Variants in ZDHHC14 observed in about 807,000 individuals in gnomAD.
ZDHHC14 encodes zDHHC palmitoyltransferase 14.
ZDHHC14 carries 16 observed loss-of-function variants against 47.7 expected under a neutral mutation model. The observed-to-expected ratio is 0.34, with a 90% confidence interval of 0.23 to 0.51. The LOEUF (loss-of-function observed/expected upper bound fraction) is 0.51, where lower values mean the gene tolerates loss of function less well. Among genes scored for constraint, ZDHHC14 ranks in the 20% least tolerant of loss-of-function variants. ZDHHC14 has a pLI of 0.97. For synonymous variants in ZDHHC14, 293 were observed against 278.9 expected, an observed-to-expected ratio of 1.05 and a Z score of -0.50; for missense variants, 515 against 662.5, an observed-to-expected ratio of 0.78 and a Z score of 2.44.
chr6:157,435,152 A>G (rs1778413801), intron 1 of ZDHHC14, among the ~76,000 whole-genome samples: 1 of 152,228 alleles, frequency 6.6e-6, no homozygotes, highest in Non-Finnish European at 1.5e-5. Flanking sequence ...TAATACTCAT[A>G]CCAATCTTAA....
intron 8 of ZDHHC14, among the ~76,000 whole-genome samples, chr6:157,668,655 G>A (rs771412163): frequency 2.6e-5 from 4 of 152,060 alleles, no homozygotes; most frequent in East Asian, 1.9e-4. Context: ...AGCCAAGATC[G>A]TGCCACTGCA....
chr6:157,396,259 A>T (rs1347087954), intron 1 of ZDHHC14, among the ~76,000 whole-genome samples: 1 of 152,066 alleles, frequency 6.6e-6, no homozygotes, highest in East Asian at 1.9e-4. Flanking sequence ...GTCTGCAGAG[A>T]CTTGCTGTCC....
chr6:157,496,922 C>T (rs899142371), intron 1 of ZDHHC14, among the ~76,000 whole-genome samples: 100 of 152,158 alleles, frequency 6.6e-4, no homozygotes, highest in African/African-American at 2.4e-3. Flanking sequence ...CTCTTGCTCT[C>T]CTCTTCCTCT....
intron 2 of ZDHHC14, among the ~76,000 whole-genome samples, chr6:157,572,940 C>A (rs2114860362): frequency 6.6e-6 from 1 of 152,078 alleles, no homozygotes; most frequent in East Asian, 1.9e-4. Flanking sequence ...TAGTCAGGTT[C>A]TCTTGGGGCT....
intron 1 of ZDHHC14, among the ~76,000 whole-genome samples, chr6:157,414,821 C>CT (rs71027333): frequency 0.75 from 83,671 of 111,888 alleles, 31,606 homozygotes; most frequent in Middle Eastern, 0.81. Context: ...AGGTTTGCAG[C>CT]TTTTTTTTTT....
chr6:157,435,418 C>A (rs1778419077), intron 1 of ZDHHC14, among the ~76,000 whole-genome samples: 1 of 152,172 alleles, frequency 6.6e-6, no homozygotes, highest in East Asian at 1.9e-4. Flanking sequence ...TTGGGATGAA[C>A]CTTGAGGAAA....
At chr6:157,424,434 G>A (rs749402551) in intron 1 of ZDHHC14, among the ~76,000 whole-genome samples, 57 of 152,152 alleles carry the variant, frequency 3.7e-4, no homozygotes, top group Non-Finnish European at 7.6e-4. Context: ...TTGGTGGTGC[G>A]ATTTTGAATC....
At chr6:157,591,076 G>A (rs1190714163) in intron 2 of ZDHHC14, among the ~76,000 whole-genome samples, 1 of 152,230 alleles carries the variant, frequency 6.6e-6, no homozygotes, top group Non-Finnish European at 1.5e-5. Context: ...CCCAGTGCCT[G>A]TACCCCCATT....
chr6:157,590,430 G>C (rs1228848737), intron 2 of ZDHHC14, among the ~76,000 whole-genome samples: 1 of 152,216 alleles, frequency 6.6e-6, no homozygotes, highest in East Asian at 1.9e-4. Context: ...TCCAGCCATG[G>C]TTAAAAGGGG....
intron 8 of ZDHHC14, among the ~76,000 whole-genome samples, chr6:157,668,692 T>C (rs1353655872): frequency 6.6e-6 from 1 of 151,908 alleles, no homozygotes; most frequent in East Asian, 1.9e-4. Context: ...AGAGTGAGAC[T>C]CCATCTCAAA....
At chr6:157,633,517 A>G (rs1188769681) in intron 5 of ZDHHC14, among the ~76,000 whole-genome samples, 4 of 152,112 alleles carry the variant, frequency 2.6e-5, no homozygotes, top group African/African-American at 9.7e-5. Flanking sequence ...ATGAGGTCCT[A>G]TCCCTCCCAG....
intron 1 of ZDHHC14, among the ~76,000 whole-genome samples, chr6:157,517,678 C>A (rs924171358): frequency 5.3e-5 from 8 of 152,208 alleles, no homozygotes; most frequent in African/African-American, 1.9e-4. Context: ...AAACCGGCGA[C>A]TCCTGACCCT....
intron 2 of ZDHHC14, among the ~76,000 whole-genome samples, 189 bp downstream of exon 2, chr6:157,542,934 G>A (rs1781830300): frequency 6.6e-6 from 1 of 152,180 alleles, no homozygotes; most frequent in African/African-American, 2.4e-5. Context: ...AAGGCTGGAG[G>A]GACAGGTATC....
chr6:157,395,239 C>G (rs542407691), intron 1 of ZDHHC14, among the ~76,000 whole-genome samples: 2 of 151,706 alleles, frequency 1.3e-5, no homozygotes, highest in Non-Finnish European at 2.9e-5. Flanking sequence ...TAGCTTACCA[C>G]AGCCGTGACC....
In ZDHHC14 at chr6:157,542,640, C is replaced by A. The variant is rs1246442856; in HGVS notation, c.301C>A (p.Leu101Met). Residue 101 changes from leucine to methionine, a missense_variant, in exon 2 of 9, where the codon CTG becomes ATG. Around this residue, in one of 4 missense-constraint regions of ZDHHC14, gnomAD observed 229 missense variants for 351.5 expected, o/e 0.65. Transcript: ENST00000359775. ...TPAIPAVAGI[L>M]FFFVMGTLLR... ...TGCCATCCCTGCAGTCGCTGGCATCCTGTTCTTCTTTGTGATGGGGACCCT... is the reference window on the plus strand; with the variant it reads ...TGCCATCCCTGCAGTCGCTGGCATCATGTTCTTCTTTGTGATGGGGACCCT... 1 of 1,614,212 alleles carries A rather than the reference C, an allele frequency of 6.2e-7. No individual in the cohort carries two copies. The highest frequency in any genetic ancestry group is 1.7e-5 in the Admixed American group (1 of 60,030).
chr6:157,645,908 GAA>G, intron 6 of ZDHHC14, 69 bp downstream of exon 6: 1 of 1,388,824 alleles, frequency 7.2e-7, no homozygotes, highest in Non-Finnish European at 1.0e-6. Flanking sequence ...AAAAAGGAAA[GAA>G]AAGGTTGAGC....
chr6:157,470,667 A>G (rs1173537912), intron 1 of ZDHHC14, among the ~76,000 whole-genome samples: 1 of 152,258 alleles, frequency 6.6e-6, no homozygotes, highest in African/African-American at 2.4e-5. Flanking sequence ...TTTTACAGAT[A>G]GAAAAACTTC....
At chr6:157,577,459 G>A (rs547729968) in intron 2 of ZDHHC14, among the ~76,000 whole-genome samples, 4 of 152,306 alleles carry the variant, frequency 2.6e-5, no homozygotes, top group Admixed American at 2.6e-4. Context: ...CACAGTGGCT[G>A]AACTAATTTA....
At chr6:157,571,436 C>T (rs1286701963) in intron 2 of ZDHHC14, among the ~76,000 whole-genome samples, 5 of 152,196 alleles carry the variant, frequency 3.3e-5, no homozygotes, top group East Asian at 1.9e-4. Context: ...TTTCTTTGAA[C>T]GGAAACTCAC....
Sources: allele counts gnomAD v4.1 joint callset (sites outside exome capture counted in the v4.1 genomes callset), GRCh38; gene constraint gnomAD v4.1.1; regional missense constraint gnomAD v4.1.1; transcripts MANE v1.5; gene names NCBI Gene and HGNC (gene_info 2026-07-23, HGNC 2026-07-21).